ZFYVE26: variants seen among roughly 807,000 people sequenced by gnomAD.
ZFYVE26 encodes the protein zinc finger FYVE domain-containing protein 26.
A neutral mutation model predicts 276.5 loss-of-function variants in ZFYVE26; 181 were observed. The observed-to-expected ratio is 0.65, with a 90% CI of 0.58 to 0.74. The LOEUF is 0.74. ZFYVE26 is among the 30% of genes least tolerant of loss of function. The pLI is 0.00. For missense variants in ZFYVE26, 2,821 were observed against 3,097.9 expected (o/e 0.91, Z 2.12); for synonymous variants, 1,129 against 1,203.1 (o/e 0.94, Z 1.27).
At chr14:67,741,271 T>C (rs2038413026) in intron 13 of ZFYVE26, among the ~76,000 whole-genome samples, 1 of 152,228 alleles carries the variant, frequency 6.6e-6, no homozygotes, top group Admixed American at 6.5e-5. Flanking sequence ...GGTTATGTTA[T>C]GTCAGCACTG....
chr14:67,781,386 C>T lies in ZFYVE26; in HGVS notation c.4516G>A (p.Gly1506Arg), dbSNP rs201825306. ...YCISDTAVQE[G>R]LKCELQRKLA... ...TTCCTCTGTAGCTCACACTTTAGTC[C>T]TTCTTGGACAGCCGTGTCTGAAATG... is the stretch of plus-strand genomic sequence containing the variant. The change falls in exon 22 of 42, where the codon GGA (glycine) becomes AGA (arginine). Residue 1506 changes from glycine (G) to arginine (R), a missense_variant. Transcript: ENST00000347230. 6.2e-7 allele frequency: 1 copy of T among 1,614,212 alleles called. No individual in the cohort carries two copies. Among genetic ancestry groups the T allele is most frequent in the Non-Finnish European group, 8.5e-7 (1 of 1,180,044 alleles).
intron 35 of ZFYVE26, among the ~76,000 whole-genome samples, chr14:67,757,640 GTCTTTCTTTCTT>G (rs57285258): frequency 0.099 from 14,688 of 148,928 alleles, 784 homozygotes; most frequent in Middle Eastern, 0.19. Context: ...AGATATTTTT[GTCTTTCTTTCTT>G]TCTTTCTTTC....
Position 67,783,525 on chromosome 14 carries a change from T to C in ZFYVE26, c.3627A>G (p.Arg1209=). 1 of 1,612,298 alleles carries C rather than the reference T, an allele frequency of 6.2e-7. No individual in the cohort carries two copies. ...LLFERQVPPE[R]LAALLAQENL... ...TCTCTTGGGCCAGAAGGGCTGCCAG[T>C]CTGGAAGGAGAGAAGCAGAAAGCAT... Residue 1209 remains arginine (R), a splice_region_variant and synonymous_variant, in exon 21 of 42, where the codon AGA becomes AGG. Transcript: ENST00000347230.
In ZFYVE26 at chr14:67,746,552, T is replaced by A. The variant is rs1405095110; in HGVS notation, c.*1884A>T. On this transcript the variant is annotated 3_prime_UTR_variant, in exon 42 of 42. Transcript: ENST00000347230. ...TGATAGACACTTTATTGTGGCTTGT[T>A]TGTAGTAAAACATTCAACCCCTCAA... is the stretch of plus-strand genomic sequence containing the variant. The A allele has an allele frequency of 6.6e-6, 1 of 152,186 alleles. No individual in the cohort carries two copies. Among genetic ancestry groups the A allele is most frequent in the Non-Finnish European group, 1.5e-5 (1 of 68,030 alleles). The allele number at this position is 152,186 out of a possible 1,614,324, so 9.4% of individuals were successfully genotyped here.
chr14:67,740,236 TCC>T (rs2038400155), intron 13 of ZFYVE26, among the ~76,000 whole-genome samples: 1 of 152,224 alleles, frequency 6.6e-6, no homozygotes, highest in Non-Finnish European at 1.5e-5. Context: ...TAATTTATGT[TCC>T]AATGACAGCA....
At chr14:67,786,549 C>T (rs905844908) in intron 16 of ZFYVE26, among the ~76,000 whole-genome samples, 35 of 152,180 alleles carry the variant, frequency 2.3e-4, no homozygotes, top group Non-Finnish European at 8.8e-5. Flanking sequence ...TCAACTTGAG[C>T]GGAGATCATA....
At chr14:67,755,367 C>T in intron 36 of ZFYVE26, 117 bp from the exon 37 acceptor site, 3 of 1,187,514 alleles carry the variant, frequency 2.5e-6, no homozygotes, top group Non-Finnish European at 3.6e-6. Context: ...CACCCACTCC[C>T]ACCACCAGCT....
intron 9 of ZFYVE26, among the ~76,000 whole-genome samples, chr14:67,803,500 C>T (rs1313715288): frequency 6.6e-6 from 1 of 152,134 alleles, no homozygotes; most frequent in African/African-American, 2.4e-5. Flanking sequence ...CACCACCACA[C>T]CCGGCTAATT....
Position 67,778,119 on chromosome 14 carries a change from G to A in ZFYVE26, c.4797+7C>T. The A allele has an allele frequency of 1.2e-6, 2 of 1,614,126 alleles. No individual in the cohort carries two copies. The highest frequency in any genetic ancestry group is 1.7e-6 in the Non-Finnish European group (2 of 1,180,022). On this transcript the variant is annotated splice_region_variant and intron_variant, in intron 24 of 41. Coordinates refer to ENST00000347230, the MANE Select transcript of ZFYVE26 (RefSeq NM_015346.4). ...CAGAAGAAAAATGGAAAGAACTGGG[G>A]GCTTACTTGCAGAGCCTTGTCATGA...
intron 13 of ZFYVE26, among the ~76,000 whole-genome samples, chr14:67,734,893 C>T (rs1322378520): frequency 6.6e-6 from 1 of 152,212 alleles, no homozygotes; most frequent in Non-Finnish European, 1.5e-5. Flanking sequence ...CAGCAAGGAT[C>T]ACAGCTTGGC....
chr14:67,799,296 C>G (rs1025939432), intron 10 of ZFYVE26: 1 of 1,613,344 alleles, frequency 6.2e-7, no homozygotes, highest in Non-Finnish European at 8.5e-7. Flanking sequence ...ACAGAGGAAC[C>G]CAGGATAAGG....
rs1236635181 is a variant in ZFYVE26 at position 67,748,266 on chromosome 14, G to A, written c.*170C>T. 4.3e-6 allele frequency: 3 copies of A among 693,530 alleles called. No individual in the cohort carries two copies. Among genetic ancestry groups the A allele is most frequent in the Non-Finnish European group, 7.1e-6 (3 of 421,520 alleles). The allele number at this position is 693,530 out of a possible 1,614,324, so 43.0% of individuals were successfully genotyped here. ...TTTTAGAGAAACATGGCACTTGCGTGAAAGGTCCTATCCTTGCCCGGGAAG... is the reference window on the plus strand; with the variant it reads ...TTTTAGAGAAACATGGCACTTGCGTAAAAGGTCCTATCCTTGCCCGGGAAG... On this transcript the variant is annotated 3_prime_UTR_variant, in exon 42 of 42. Coordinates refer to ENST00000347230, the MANE Select transcript of ZFYVE26 (RefSeq NM_015346.4).
intron 2 of ZFYVE26, 95 bp from the exon 3 acceptor site, chr14:67,814,159 T>A: frequency 9.9e-7 from 1 of 1,011,460 alleles, no homozygotes; most frequent in Non-Finnish European, 1.5e-6. Context: ...TATTCTGTTT[T>A]AAACCTGAAC....
At chr14:67,738,467 T>C (rs2038377290) in intron 13 of ZFYVE26, among the ~76,000 whole-genome samples, 1 of 149,958 alleles carries the variant, frequency 6.7e-6, no homozygotes, top group Non-Finnish European at 1.5e-5. Context: ...GAAATAATTA[T>C]TTTGGAGTAG....
chr14:67,777,146 C>T (rs1247871623), intron 25 of ZFYVE26, among the ~76,000 whole-genome samples: 2 of 152,216 alleles, frequency 1.3e-5, no homozygotes, highest in Non-Finnish European at 2.9e-5. Flanking sequence ...CAGTCCCTAT[C>T]CCAAGACCAG....
At chr14:67,780,758 C>G (rs1192610418) in intron 22 of ZFYVE26, among the ~76,000 whole-genome samples, 4 of 152,164 alleles carry the variant, frequency 2.6e-5, no homozygotes, top group Non-Finnish European at 5.9e-5. Flanking sequence ...TAAAAAGAAA[C>G]CTTTTTTCAC....
Position 67,769,640 on chromosome 14 carries a change from T to C in ZFYVE26, c.5575A>G (p.Asn1859Asp), listed in dbSNP as rs1350404890. 6.2e-7 allele frequency: 1 copy of C among 1,614,000 alleles called. No individual in the cohort carries two copies. The highest frequency in any genetic ancestry group is 1.3e-5 in the African/African-American group (1 of 75,022). Residue 1859 changes from asparagine (N) to aspartate (D), a missense_variant, in exon 29 of 42, where the codon AAC becomes GAC. By Grantham distance (23) the Asn-to-Asp change is conservative (BLOSUM62 1). Coordinates refer to ENST00000347230, the MANE Select transcript of ZFYVE26 (RefSeq NM_015346.4). ...KKMVVEGCRE[N>D]PARVCDQCYS... ...CACTGATCACACACACGAGCAGGGT[T>C]CTCTCTGCAGCCTTCAACCACCATT...
At chr14:67,784,724 G>A (rs1388166618) in intron 19 of ZFYVE26, among the ~76,000 whole-genome samples, 1 of 152,188 alleles carries the variant, frequency 6.6e-6, no homozygotes, top group Non-Finnish European at 1.5e-5. Flanking sequence ...AGTGCATGTA[G>A]TACTCACTCT....
At chr14:67,803,606 G>T (rs1000770095) in intron 9 of ZFYVE26, among the ~76,000 whole-genome samples, 2 of 152,168 alleles carry the variant, frequency 1.3e-5, no homozygotes, top group Non-Finnish European at 2.9e-5. Flanking sequence ...GCCTCCCAAA[G>T]TGCTGGGATT....
Sources: allele counts gnomAD v4.1 joint callset (sites outside exome capture counted in the v4.1 genomes callset), GRCh38; gene constraint gnomAD v4.1.1; transcripts MANE v1.5; gene names NCBI Gene and HGNC (gene_info 2026-07-23, HGNC 2026-07-21).